The following ZNF782 variants were observed in gnomAD, a reference collection of about 807,000 sequenced individuals.
ZNF782 encodes zinc finger protein 782.
Under a neutral mutation model 13.0 loss-of-function variants are expected in ZNF782, and 12 were observed. The ratio of observed to expected loss-of-function variants is 0.92; its 90% confidence interval spans 0.59 to 1.50. The LOEUF is 1.50. ZNF782 is among the 40% of genes most tolerant of loss of function. The pLI, the probability that ZNF782 is intolerant of heterozygous loss-of-function variation, is 0.00. For missense variants in ZNF782, 770 were observed against 822.9 expected (o/e 0.94, Z 0.79); for synonymous variants, 284 against 283.0 (o/e 1.00, Z -0.04).
chr9:96,819,329 T>C lies in ZNF782; in HGVS notation c.694A>G (p.Thr232Ala). Residue 232 changes from threonine to alanine, a missense_variant, in exon 6 of 6, where the codon ACA (threonine) becomes GCA (alanine). Coordinates refer to ENST00000481138, the MANE Select transcript of ZNF782 (RefSeq NM_001001662.3). The stretch of plus-strand genomic sequence containing the variant: ...CCTTTTGGGTGGGTACTGTTAGATG[T>C]AACAAGGGCAGCCTTTTCAAGAAAA... Reference protein sequence around the residue: ...KAFLEKAALVTSNSTHPKGKS... With the variant: ...KAFLEKAALVASNSTHPKGKS... The C allele has an allele frequency of 6.2e-7, 1 of 1,605,270 alleles. No individual in the cohort carries two copies. The highest frequency in any genetic ancestry group is 8.5e-7 in the Non-Finnish European group (1 of 1,177,274).
intron 5 of ZNF782, among the ~76,000 whole-genome samples, chr9:96,826,526 T>G (rs1374150542): frequency 1.8e-4 from 27 of 152,096 alleles, no homozygotes. Flanking sequence ...TGTGCACATG[T>G]ACCCTAAAAC....
At chr9:96,837,484 A>T (rs1205174988) in intron 4 of ZNF782, among the ~76,000 whole-genome samples, 1 of 152,058 alleles carries the variant, frequency 6.6e-6, no homozygotes, top group Non-Finnish European at 1.5e-5. Context: ...TTAAAAAAGA[A>T]CTTTGGTTTC....
the ZNF782 span, among the ~76,000 whole-genome samples, chr9:96,908,522 C>CA: frequency 2.0e-5 from 3 of 150,002 alleles, no homozygotes; most frequent in South Asian, 6.4e-4. Flanking sequence ...GTGTGCACTA[C>CA]AAAAAACATG....
chr9:96,833,425 T>C (rs568403804), intron 4 of ZNF782, among the ~76,000 whole-genome samples: 18 of 152,332 alleles, frequency 1.2e-4, no homozygotes, highest in African/African-American at 3.6e-4. Context: ...GTATTTTGGG[T>C]CACCTTGACA....
upstream of ZNF782, among the ~76,000 whole-genome samples, chr9:96,877,251 T>C (rs1308181966): frequency 6.6e-6 from 1 of 152,240 alleles, no homozygotes; most frequent in Admixed American, 6.5e-5. Context: ...ACAAAGTCAG[T>C]GCGATCCCCG....
chr9:96,816,185 G>GA (rs905352723), downstream of ZNF782, among the ~76,000 whole-genome samples: 22 of 152,102 alleles, frequency 1.4e-4, no homozygotes, highest in Non-Finnish European at 3.2e-4. Flanking sequence ...TGGCTTCTTT[G>GA]AAAAAAGGCA....
At chr9:96,838,687 A>G (rs544161139) in intron 4 of ZNF782, among the ~76,000 whole-genome samples, 6 of 149,502 alleles carry the variant, frequency 4.0e-5, no homozygotes, top group Non-Finnish European at 8.9e-5. Flanking sequence ...TTCAATTTTG[A>G]TTAGTGTTAG....
the ZNF782 span, among the ~76,000 whole-genome samples, chr9:96,927,801 C>T: frequency 1.7e-4 from 26 of 149,116 alleles, no homozygotes; most frequent in Middle Eastern, 3.4e-3. Context: ...CTAAATCTGG[C>T]CACTATGTTC....
chr9:96,858,315 C>T (rs142087038), upstream of ZNF782, among the ~76,000 whole-genome samples: 787 of 152,312 alleles, frequency 5.2e-3, 2 homozygotes, highest in Non-Finnish European at 6.6e-3. This position sits in a 1 kb window ranked among gnomAD's most constrained non-coding sequence, Gnocchi z 4.4. Flanking sequence ...GTCTGAGAAA[C>T]ATTGCATTGC....
At chr9:96,851,186 A>T (rs1258895110) in intron 3 of ZNF782, among the ~76,000 whole-genome samples, 1 of 152,096 alleles carries the variant, frequency 6.6e-6, no homozygotes, top group Non-Finnish European at 1.5e-5. Context: ...ACATTTACTA[A>T]ATCTAAAAAA....
At chr9:96,902,828 A>G in the ZNF782 span, 1 of 139,328 alleles carries the variant, frequency 7.2e-6, no homozygotes, top group African/African-American at 2.9e-5. Context: ...ATTTTGAAAC[A>G]GGGTCTCACT....
chr9:96,895,209 C>T, the ZNF782 span: 1 of 152,136 alleles, frequency 6.6e-6, no homozygotes, highest in African/African-American at 2.4e-5. Flanking sequence ...CAAGTGGCAG[C>T]ATTTAATCAC....
upstream of ZNF782, among the ~76,000 whole-genome samples, chr9:96,877,942 A>G (rs545997131): frequency 4.2e-4 from 64 of 150,864 alleles, no homozygotes; most frequent in Middle Eastern, 3.4e-3. Context: ...GTAAAGACTA[A>G]AGGTAACAGT....
chr9:96,853,667 C>T (rs1221592983), intron 1 of ZNF782, among the ~76,000 whole-genome samples: 1 of 152,232 alleles, frequency 6.6e-6, no homozygotes, highest in Non-Finnish European at 1.5e-5. Context: ...TCTACATCCA[C>T]TCCCTGAGTA....
Position 96,818,976 on chromosome 9 carries a change from G to A in ZNF782, c.1047C>T (p.Tyr349=), listed in dbSNP as rs141494924. The change falls in exon 6 of 6, where the codon TAC becomes TAT. Residue 349 remains tyrosine (Y), a synonymous_variant. Transcript: ENST00000481138. ...DYHPCTETFS[Y]QSTFSVHQKV... ...TCTGATGTACACTGAAAGTTGACTGGTAGCTGAATGTCTCTGTACATGGGT... is the reference window on the plus strand; with the variant it reads ...TCTGATGTACACTGAAAGTTGACTGATAGCTGAATGTCTCTGTACATGGGT... 13 of 1,613,984 alleles carry A rather than the reference G, an allele frequency of 8.1e-6. No individual in the cohort carries two copies. The African/African-American group carries it at 1.5e-4, about 18-fold the overall frequency.
the ZNF782 span, among the ~76,000 whole-genome samples, chr9:96,917,174 C>CCCCG: frequency 8.8e-6 from 1 of 114,060 alleles, no homozygotes. Flanking sequence ...CTGATGAGGT[C>CCCCG]CCCGCCACTG....
At chr9:96,923,130 G>C in the ZNF782 span, among the ~76,000 whole-genome samples, 1 of 147,470 alleles carries the variant, frequency 6.8e-6, no homozygotes, top group Non-Finnish European at 1.5e-5. Context: ...AAAAATACAA[G>C]CACATAGCTC....
intron 1 of ZNF782, among the ~76,000 whole-genome samples, chr9:96,868,540 T>C (rs1312199751): frequency 6.6e-6 from 1 of 152,232 alleles, no homozygotes; most frequent in African/African-American, 2.4e-5. Context: ...TTCAAAGAAA[T>C]GAAAAAGCTG....
chr9:96,888,182 A>G, the ZNF782 span: 1 of 152,142 alleles, frequency 6.6e-6, no homozygotes, highest in South Asian at 2.1e-4. Flanking sequence ...AAAAGAAAAA[A>G]AAAAAGAAAA....
Sources: gnomAD v4.1 joint callset for allele counts (sites outside exome capture counted in the v4.1 genomes callset) on GRCh38, gnomAD v4.1.1 for gene constraint, Gnocchi (gnomAD v3.1) non-coding constraint, MANE v1.5 for transcripts, NCBI Gene and HGNC (gene_info 2026-07-23, HGNC 2026-07-21) for gene names.